Variants in CDK15 observed in about 807,000 individuals in gnomAD.
CDK15 encodes the protein cyclin-dependent kinase 15.
CDK15 carries 62 observed loss-of-function variants against 60.3 expected under a neutral mutation model. The ratio of observed to expected loss-of-function variants is 1.03; its 90% CI spans 0.84 to 1.27. The LOEUF is 1.27. Ranked by LOEUF, CDK15 falls within the 50% of genes most tolerant of loss-of-function variation. The probability of loss-of-function intolerance (pLI) is 0.00; values close to 1 mark genes in which losing one functional copy is unlikely to be tolerated. For synonymous variants in CDK15, 194 were observed against 195.7 expected, an observed-to-expected ratio of 0.99 and a Z score of 0.07; for missense variants, 541 against 527.8, an observed-to-expected ratio of 1.03 and a Z score of -0.25.
At chr2:201,841,528 G>A (rs191218206) in intron 8 of CDK15, among the ~76,000 whole-genome samples, 86 of 152,180 alleles carry the variant, frequency 5.7e-4, no homozygotes, top group Non-Finnish European at 7.6e-4. Context: ...GTGATAAGAG[G>A]GGAAGTGAGA....
At chr2:201,889,287 C>G in intron 12 of CDK15, 1 of 985,316 alleles carries the variant, frequency 1.0e-6, no homozygotes, top group Non-Finnish European at 1.2e-6. Flanking sequence ...AAATTGTGAA[C>G]CTGGGAAAAG....
In CDK15 at chr2:201,809,516, A is replaced by T. The variant is rs1352440305; in HGVS notation, c.368+1564A>T. ...TTCTTTCTGTTCTAATCTTTTAAAA[A>T]TCATGTTTCCTTAATCTATCTTTTC... is the stretch of plus-strand genomic sequence containing the variant. On this transcript the variant is annotated intron_variant, in intron 3 of 13. Coordinates refer to ENST00000652192, the MANE Select transcript of CDK15 (RefSeq NM_001366386.2). 2.7e-5 allele frequency among the ~76,000 whole-genome samples: 4 copies of T among 150,722 alleles called. 1 individual carries two copies. Among genetic ancestry groups the T allele is most frequent in the Non-Finnish European group, 5.9e-5 (4 of 67,916 alleles).
chr2:201,883,381 C>CA (rs1460116237), intron 12 of CDK15, among the ~76,000 whole-genome samples: 1 of 152,100 alleles, frequency 6.6e-6, no homozygotes, highest in Admixed American at 6.6e-5. Flanking sequence ...AAATTCCACA[C>CA]AAAATGAAAG....
intron 3 of CDK15, among the ~76,000 whole-genome samples, chr2:201,811,344 G>A (rs970661721): frequency 8.6e-5 from 13 of 151,854 alleles, no homozygotes; most frequent in African/African-American, 3.1e-4. Context: ...TAGAGACGGG[G>A]TTTCACTGTG....
intron 9 of CDK15, among the ~76,000 whole-genome samples, chr2:201,851,122 T>A (rs1049460880): frequency 6.6e-6 from 1 of 151,664 alleles, no homozygotes; most frequent in Non-Finnish European, 1.5e-5. Context: ...TGAAACCCCA[T>A]CTCTACTAAA....
At chr2:201,874,859 A>G (rs16838327) in intron 11 of CDK15, among the ~76,000 whole-genome samples, 8,989 of 152,254 alleles carry the variant, frequency 0.059, 380 homozygotes, top group Non-Finnish European at 0.086. Flanking sequence ...GAACATTTAA[A>G]AAGTGCCTAC....
chr2:201,833,774 C>A, intron 6 of CDK15, 74 bp from the exon 7 acceptor site: 5 of 1,253,050 alleles, frequency 4.0e-6, no homozygotes, highest in Non-Finnish European at 3.2e-6. Context: ...TTTGAGATGA[C>A]TGTTTTTGAT....
chr2:201,808,717 A>G (rs1404250821), intron 3 of CDK15: 1 of 152,396 alleles, frequency 6.6e-6, no homozygotes, highest in Non-Finnish European at 1.5e-5. Flanking sequence ...CAACTACTTG[A>G]TCACAACCAG....
intron 10 of CDK15, among the ~76,000 whole-genome samples, chr2:201,866,166 A>T (rs1240727957): frequency 6.6e-6 from 1 of 152,088 alleles, no homozygotes; most frequent in East Asian, 1.9e-4. Context: ...CTATTTAAAT[A>T]TACGGTATCT....
chr2:201,847,765 A>G (rs1697733023), intron 9 of CDK15, among the ~76,000 whole-genome samples: 1 of 152,148 alleles, frequency 6.6e-6, no homozygotes, highest in Non-Finnish European at 1.5e-5. Flanking sequence ...TTCTGCCATT[A>G]CTACTCAGAC....
intron 7 of CDK15, among the ~76,000 whole-genome samples, chr2:201,834,631 C>T (rs1350010400): frequency 3.9e-5 from 6 of 152,162 alleles, no homozygotes; most frequent in Admixed American, 3.9e-4. Context: ...CTCAACTGGA[C>T]TGTAAGCATA....
intron 11 of CDK15, chr2:201,876,713 C>A: frequency 2.3e-6 from 1 of 438,006 alleles, no homozygotes; most frequent in South Asian, 2.0e-5. Context: ...ATGGAAAATC[C>A]TAAAAAAGAG....
intron 8 of CDK15, among the ~76,000 whole-genome samples, chr2:201,836,058 T>TATGTTTATATTTA (rs1553523956): frequency 2.1e-5 from 2 of 96,028 alleles, no homozygotes; most frequent in African/African-American, 9.8e-5. Flanking sequence ...TATATATATA[T>TATGTTTATATTTA]TATATATATT....
intron 10 of CDK15, among the ~76,000 whole-genome samples, chr2:201,860,065 G>A (rs953815291): frequency 1.3e-5 from 2 of 152,196 alleles, no homozygotes; most frequent in Non-Finnish European, 2.9e-5. Context: ...GTCATTGATT[G>A]TTTCATCCAA....
In CDK15 at chr2:201,847,566, G is replaced by T. The variant is rs963649333; in HGVS notation, c.945+92G>T. ...TACAGACAAATGAAGCAGTCCATCT[G>T]CTCTGAGATATTAAGCCCTATATTA... On this transcript the variant is annotated intron_variant, in intron 9 of 13. Transcript: ENST00000652192. 52 of 1,021,584 alleles carry T rather than the reference G, an allele frequency of 5.1e-5. No individual in the cohort carries two copies. The African/African-American group carries it at 7.7e-4, about 15-fold the overall frequency. 63.3% of individuals were successfully genotyped at this position (1,021,584 alleles called of 1,614,324 possible).
At chr2:201,886,545 A>G (rs886225075) in intron 12 of CDK15, among the ~76,000 whole-genome samples, 2 of 152,062 alleles carry the variant, frequency 1.3e-5, no homozygotes, top group Non-Finnish European at 2.9e-5. Context: ...GGCTGGTCTC[A>G]AACTCCTGAC....
intron 10 of CDK15, among the ~76,000 whole-genome samples, chr2:201,869,675 C>T (rs1263233348): frequency 6.6e-6 from 1 of 151,974 alleles, no homozygotes; most frequent in Non-Finnish European, 1.5e-5. Context: ...TAACCCCCAA[C>T]CCATGTGCCA....
Position 201,835,630 on chromosome 2 carries a change from C to T in CDK15, c.731-13C>T, listed in dbSNP as rs180831708. 1.7e-3 allele frequency: 2,681 copies of T among 1,598,764 alleles called. 72 individuals are homozygous for T. In the Admixed American group the frequency reaches 0.042, roughly 25 times the overall value. ...CCAGAACGATGGGTTTTATGCTTTT[C>T]CCTTTTGGACAGGTCTTGCCCGGGC... is the stretch of plus-strand genomic sequence containing the variant. On this transcript the variant is annotated splice_polypyrimidine_tract_variant and intron_variant, in intron 7 of 13. Coordinates refer to ENST00000652192, the MANE Select transcript of CDK15 (RefSeq NM_001366386.2).
At chr2:201,855,682 C>T (rs1698113747) in intron 10 of CDK15, among the ~76,000 whole-genome samples, 1 of 152,150 alleles carries the variant, frequency 6.6e-6, no homozygotes, top group South Asian at 2.1e-4. Context: ...TGAGCTCTCA[C>T]TGGCAGGGTT....
Sources: gnomAD v4.1 joint callset for allele counts (sites outside exome capture counted in the v4.1 genomes callset) on GRCh38, gnomAD v4.1.1 for gene constraint, MANE v1.5 for transcripts, NCBI Gene and HGNC (gene_info 2026-07-23, HGNC 2026-07-21) for gene names.